Variants in CCT2 observed in about 807,000 individuals in gnomAD.
The protein encoded by CCT2 is T-complex protein 1 subunit beta.
In CCT2, 18 loss-of-function variants were observed where a neutral mutation model predicts 61.8. That is an observed-to-expected ratio of 0.29 (90% CI 0.20 to 0.43). The LOEUF is 0.43. Among genes scored for constraint, CCT2 ranks in the 20% least tolerant of loss-of-function variants. The probability of loss-of-function intolerance (pLI) is 1.00; values close to 1 mark genes in which losing one functional copy is unlikely to be tolerated. For missense variants in CCT2, 556 were observed against 656.9 expected (o/e 0.85, Z 1.68); for synonymous variants, 248 against 215.9 (o/e 1.15, Z -1.30).
intron 14 of CCT2, among the ~76,000 whole-genome samples, chr12:69,599,275 TGGG>T (rs560180741): frequency 2.4e-3 from 369 of 152,196 alleles, no homozygotes; most frequent in Admixed American, 5.6e-3. Context: ...TTCTTAGAGA[TGGG>T]GGGGCAGTCT....
At chr12:69,592,918 A>C in intron 8 of CCT2, 58 bp from the exon 9 acceptor site, 2 of 1,556,968 alleles carry the variant, frequency 1.3e-6, no homozygotes, top group Non-Finnish European at 1.8e-6. Context: ...ACAGAGCGAG[A>C]CTCAATCTCA....
chr12:69,591,920 ATG>A, intron 7 of CCT2, 137 bp from the exon 8 acceptor site: 1 of 521,026 alleles, frequency 1.9e-6, no homozygotes, highest in Non-Finnish European at 3.5e-6. Flanking sequence ...GCTTGCTTTT[ATG>A]CCTTCTAAGA....
At position 69,589,638 on chromosome 12, in the gene CCT2, T is replaced by C; in HGVS notation, c.600T>C (p.His200=). ...LKGSGNLEAI[H]IIKKLGGSLA... is the part of the protein sequence containing the mutation. ...GCTCTGGCAACCTGGAGGCAATTCA[T>C]ATTATCAAGAAGCTAGGAGGAAGTT... is the stretch of plus-strand genomic sequence containing the variant. The change falls in exon 7 of 16, where the codon CAT becomes CAC. Residue 200 remains histidine, a synonymous_variant. Coordinates refer to ENST00000299300, the MANE Select transcript of CCT2 (RefSeq NM_006431.3). The C allele has an allele frequency of 6.2e-7, 1 of 1,613,948 alleles. No homozygotes were observed. The highest frequency in any genetic ancestry group is 8.5e-7 in the Non-Finnish European group (1 of 1,180,004).
Position 69,597,728 on chromosome 12 carries a change from C to G in CCT2, c.1193C>G (p.Ala398Gly), listed in dbSNP as rs201201152. The change falls in exon 12 of 16, where the codon GCG (alanine) becomes GGG (glycine). Residue 398 changes from alanine to glycine, a missense_variant. Physicochemically the swap from Ala to Gly is moderately conservative, Grantham distance 60 (BLOSUM62 0). Transcript: ENST00000299300. Reference sequence around the variant, plus strand: ...TTGCATGATGCTCTTTGTGTTCTTGCGCAAACTGTAAAGGACTCTAGAACA... The same window carrying G: ...TTGCATGATGCTCTTTGTGTTCTTGGGCAAACTGTAAAGGACTCTAGAACA... ...RSLHDALCVL[A>G]QTVKDSRTVY... 3.7e-6 allele frequency: 6 copies of G among 1,613,364 alleles called. No individual in the cohort carries two copies. Among genetic ancestry groups the G allele is most frequent in the African/African-American group, 1.3e-5 (1 of 74,862 alleles).
chr12:69,586,711 C>T (rs766318157), intron 2 of CCT2, 42 bp from the exon 3 acceptor site: 2 of 1,340,514 alleles, frequency 1.5e-6, no homozygotes, highest in African/African-American at 1.5e-5. Context: ...TACTTGAAGA[C>T]TGTAAAGTTG....
intron 6 of CCT2, 80 bp from the exon 7 acceptor site, chr12:69,589,404 AT>A (rs1161218101): frequency 3.2e-6 from 3 of 940,710 alleles, no homozygotes; most frequent in Non-Finnish European, 5.0e-6. Flanking sequence ...TTAGGGTAAA[AT>A]TATCTATTGA....
At chr12:69,586,526 G>A (rs1435193223) in intron 2 of CCT2, among the ~76,000 whole-genome samples, 182 bp downstream of exon 2, 1 of 152,060 alleles carries the variant, frequency 6.6e-6, no homozygotes, top group Non-Finnish European at 1.5e-5. Context: ...AAATTAGCCG[G>A]GCGTGGTGAT....
chr12:69,586,654 C>T lies in CCT2; in HGVS notation c.79-99C>T, dbSNP rs80262100. 32,480 of 863,010 alleles carry T rather than the reference C, an allele frequency of 0.038. 3,541 individuals carry two copies. In the East Asian group the frequency reaches 0.39, roughly 10 times the overall value. 53.5% of individuals were successfully genotyped at this position (863,010 alleles called of 1,614,324 possible). On this transcript the variant is annotated intron_variant, in intron 2 of 15. Coordinates refer to ENST00000299300, the MANE Select transcript of CCT2 (RefSeq NM_006431.3). ...TTGCACTCCAGCCTGGGCGACAGAG[C>T]GACACTCTGCCTCAAAAAAAAAAAA...
At chr12:69,596,045 T>C (rs1039400630) in intron 10 of CCT2, among the ~76,000 whole-genome samples, 2 of 152,184 alleles carry the variant, frequency 1.3e-5, no homozygotes, top group Non-Finnish European at 2.9e-5. Flanking sequence ...TGCGCTCCAG[T>C]CTAGGCAAGG....
In CCT2 at chr12:69,597,215, C is replaced by T. The variant is rs746407251; in HGVS notation, c.1042C>T (p.Leu348Phe). The stretch of plus-strand genomic sequence containing the variant: ...ACTGGTGAAGCTTGGAAGTTGCAAA[C>T]TTATCGAGGAAGTCATGATTGGAGA... ...PELVKLGSCKLIEEVMIGEDK... is the reference protein window; with the variant it reads ...PELVKLGSCKFIEEVMIGEDK... Residue 348 changes from leucine (L) to phenylalanine (F), a missense_variant, in exon 11 of 16, where the codon CTT becomes TTT. Physicochemically the swap from Leu to Phe is conservative, Grantham distance 22. Around this residue, in one of 3 missense-constraint regions of CCT2, gnomAD observed 225 missense variants for 249.8 expected, o/e 0.90. Transcript: ENST00000299300. 1 of 1,614,006 alleles carries T rather than the reference C, an allele frequency of 6.2e-7. No homozygotes were observed. The highest frequency in any genetic ancestry group is 1.7e-5 in the Admixed American group (1 of 60,018).
chr12:69,589,669 G>C lies in CCT2; in HGVS notation c.631G>C (p.Asp211His). The change falls in exon 7 of 16, where the codon GAT becomes CAT. Residue 211 changes from aspartate to histidine, a missense_variant. Around this residue, in one of 3 missense-constraint regions of CCT2, gnomAD observed 308 missense variants for 350.6 expected, o/e 0.88. Transcript: ENST00000299300. Reference sequence around the variant, plus strand: ...CAAGAAGCTAGGAGGAAGTTTGGCAGATTCCTATTTAGATGAAGGTATGTA... The same window carrying C: ...CAAGAAGCTAGGAGGAAGTTTGGCACATTCCTATTTAGATGAAGGTATGTA... ...IIKKLGGSLA[D>H]SYLDEGFLLD... 6.2e-7 allele frequency: 1 copy of C among 1,612,676 alleles called. No homozygotes were observed. Among genetic ancestry groups the C allele is most frequent in the African/African-American group, 1.3e-5 (1 of 75,044 alleles).
chr12:69,590,045 G>C (rs1429927771), intron 7 of CCT2, among the ~76,000 whole-genome samples: 1 of 152,230 alleles, frequency 6.6e-6, no homozygotes, highest in Non-Finnish European at 1.5e-5. Flanking sequence ...GTGTTAGCTG[G>C]TTGTTGAGGA....
At chr12:69,586,627 CA>C in intron 2 of CCT2, 125 bp from the exon 3 acceptor site, 1 of 718,494 alleles carries the variant, frequency 1.4e-6, no homozygotes, top group East Asian at 2.6e-5. Context: ...GAGATCGCGC[CA>C]TTGCACTCCA....
chr12:69,591,867 A>G (rs1229512184), intron 7 of CCT2, among the ~76,000 whole-genome samples, 192 bp from the exon 8 acceptor site: 1 of 147,844 alleles, frequency 6.8e-6, no homozygotes, highest in Non-Finnish European at 1.5e-5. Context: ...AGGCGCTAAA[A>G]GCCTAAAAGC....
intron 1 of CCT2, chr12:69,585,990 A>C: frequency 3.8e-6 from 5 of 1,331,648 alleles, no homozygotes; most frequent in Non-Finnish European, 4.8e-6. Context: ...TCTTAGTTCA[A>C]GATCGTCTTT....
chr12:69,598,141 A>G (rs574174793), intron 13 of CCT2, 70 bp downstream of exon 13: 4 of 1,206,758 alleles, frequency 3.3e-6, no homozygotes, highest in Middle Eastern at 1.9e-4. Flanking sequence ...ATGAGTAGAA[A>G]ATGAACTGGT....
chr12:69,597,026 G>GAATAT lies in CCT2; in HGVS notation c.983-126_983-122dup, dbSNP rs2050520298. On this transcript the variant is annotated intron_variant, in intron 10 of 15. Transcript: ENST00000299300. ...ATGAAGTATTTAAAAAGAGTGCCAGGAATATAATCAGCAATCAATTTTTAA... is the reference window on the plus strand; with the variant it reads ...ATGAAGTATTTAAAAAGAGTGCCAGGAATATAATATAATCAGCAATCAATTTTTAA... The GAATAT allele has an allele frequency of 3.7e-5, 26 of 709,512 alleles. No homozygotes were observed. In the South Asian group the frequency reaches 5.4e-4, roughly 15 times the overall value. 44.0% of individuals were successfully genotyped at this position (709,512 alleles called of 1,614,324 possible).
intron 15 of CCT2, among the ~76,000 whole-genome samples, chr12:69,600,844 AT>A (rs779988008): frequency 2.6e-5 from 4 of 152,212 alleles, no homozygotes; most frequent in Non-Finnish European, 5.9e-5. Context: ...TAGTACCCTT[AT>A]CCCATCTTTC....
chr12:69,586,970 G>A, intron 3 of CCT2, 152 bp downstream of exon 3: 1 of 519,054 alleles, frequency 1.9e-6, no homozygotes, highest in Non-Finnish European at 3.3e-6. Flanking sequence ...AGAGTCCCCA[G>A]AATCACCATC....
Sources: gnomAD v4.1 joint callset for allele counts (sites outside exome capture counted in the v4.1 genomes callset) on GRCh38, gnomAD v4.1.1 for gene constraint, gnomAD v4.1.1 regional missense constraint, MANE v1.5 for transcripts, NCBI Gene and HGNC (gene_info 2026-07-23, HGNC 2026-07-21) for gene names.